The following TTLL6 variants were observed in gnomAD, a reference collection of about 807,000 sequenced individuals.
TTLL6 encodes tubulin polyglutamylase TTLL6.
A neutral mutation model predicts 96.4 loss-of-function variants in TTLL6; 75 were observed. The ratio of observed to expected loss-of-function variants is 0.78; its 90% CI spans 0.65 to 0.94. The LOEUF (loss-of-function observed/expected upper bound fraction) is 0.94. Ranked by LOEUF, TTLL6 falls within the 40% of genes least tolerant of loss-of-function variation. The pLI is 0.00. For synonymous variants in TTLL6, 411 were observed against 419.4 expected, an observed-to-expected ratio of 0.98 and a Z score of 0.24; for missense variants, 1,030 against 1,093.0, an observed-to-expected ratio of 0.94 and a Z score of 0.81.
chr17:48,817,006 T>G lies in TTLL6; in HGVS notation c.67A>C (p.Ser23Arg), dbSNP rs1280211051. Reference sequence around the variant, plus strand: ...ACTCCCCCGTCTCGCCCCGCTGGGCTGCTAGTCCAGCTTGCAACCACACCT... The same window carrying G: ...ACTCCCCCGTCTCGCCCCGCTGGGCGGCTAGTCCAGCTTGCAACCACACCT... ...PAGVVASWTSSPAGRDGGVGI... is the reference protein window; with the variant it reads ...PAGVVASWTSRPAGRDGGVGI... The change falls in exon 1 of 16, where the codon AGC (serine) becomes CGC (arginine). Residue 23 changes from serine (S) to arginine (R), a missense_variant. By Grantham distance (110) the Ser-to-Arg change is moderately radical (BLOSUM62 -1). Transcript: ENST00000393382. 5.2e-6 allele frequency: 8 copies of G among 1,542,572 alleles called. No individual in the cohort carries two copies. Among genetic ancestry groups the G allele is most frequent in the African/African-American group, 1.4e-5 (1 of 72,654 alleles).
At chr17:48,812,711 T>A (rs1228798611) in intron 1 of TTLL6, among the ~76,000 whole-genome samples, 2 of 152,104 alleles carry the variant, frequency 1.3e-5, no homozygotes, top group African/African-American at 4.8e-5. Flanking sequence ...CCTAGCAGTG[T>A]CTAGAAAAGA....
At chr17:48,804,409 A>T in intron 2 of TTLL6, 1 of 493,158 alleles carries the variant, frequency 2.0e-6, no homozygotes, top group South Asian at 1.5e-5. Flanking sequence ...CTGCAGTTGG[A>T]TCCTGATAAG....
intron 1 of TTLL6, chr17:48,812,185 T>A (rs2039606906): frequency 6.6e-6 from 1 of 151,532 alleles, no homozygotes; most frequent in African/African-American, 2.4e-5. Context: ...CCTATTGTCT[T>A]GCGTAACAAT....
intron 6 of TTLL6, among the ~76,000 whole-genome samples, chr17:48,797,771 G>C (rs899274588): frequency 3.0e-5 from 3 of 100,324 alleles, no homozygotes; most frequent in Non-Finnish European, 5.5e-5. Context: ...CTGGGCGAAA[G>C]AGCAAAACTC....
At chr17:48,797,329 T>C (rs2039334637) in intron 6 of TTLL6, 125 bp from the exon 7 acceptor site, 2 of 1,038,222 alleles carry the variant, frequency 1.9e-6, no homozygotes, top group Non-Finnish European at 2.7e-6. Context: ...AGGGCAGGCT[T>C]GTCCAGGGTC....
At chr17:48,813,008 A>T (rs1399250930) in intron 1 of TTLL6, among the ~76,000 whole-genome samples, 4 of 152,212 alleles carry the variant, frequency 2.6e-5, no homozygotes, top group Non-Finnish European at 4.4e-5. Flanking sequence ...TTATAAACAT[A>T]ATGTCTCATC....
At chr17:48,798,231 C>T (rs892770704) in intron 6 of TTLL6, among the ~76,000 whole-genome samples, 9 of 152,096 alleles carry the variant, frequency 5.9e-5, no homozygotes, top group Non-Finnish European at 1.3e-4. Flanking sequence ...AGACCAGCCT[C>T]AGCAACATAG....
At chr17:48,809,056 C>G (rs2039544584) in intron 1 of TTLL6, among the ~76,000 whole-genome samples, 1 of 152,120 alleles carries the variant, frequency 6.6e-6, no homozygotes, top group Admixed American at 6.6e-5. Flanking sequence ...CTGGGCTTTT[C>G]AAAGAATTTT....
rs183639035 is a variant in TTLL6, at chr17:48,762,520, C to T, written c.*454G>A. The T allele has an allele frequency of 1.0e-3, 166 of 162,360 alleles. No individual in the cohort carries two copies. Among genetic ancestry groups the T allele is most frequent in the Middle Eastern group, 6.2e-3 (2 of 324 alleles). 10.1% of individuals were successfully genotyped at this position (162,360 alleles called of 1,614,324 possible). On this transcript the variant is annotated 3_prime_UTR_variant, in exon 16 of 16. Transcript: ENST00000393382. Reference sequence around the variant, plus strand: ...AGGGCTCAGAGTTATGCACCATGCCCATCCCTGACCTCATCTTTTATCTTG... The same window carrying T: ...AGGGCTCAGAGTTATGCACCATGCCTATCCCTGACCTCATCTTTTATCTTG...
chr17:48,792,935 AG>A (rs1370851040), intron 8 of TTLL6, among the ~76,000 whole-genome samples: 2 of 152,204 alleles, frequency 1.3e-5, no homozygotes, highest in Admixed American at 1.3e-4. Context: ...TTGATGACTC[AG>A]GCTCATCACA....
rs139491408 is a variant in TTLL6 at position 48,769,793 on chromosome 17, A to C, written c.2345T>G (p.Leu782Arg). Reference sequence around the variant, plus strand: ...TGGGAAGAAGGAGAGCTTCCCACTCAGTTGAAGCTTGGTGAGTAGCTCGGA... The same window carrying C: ...TGGGAAGAAGGAGAGCTTCCCACTCCGTTGAAGCTTGGTGAGTAGCTCGGA... ...LISELLTKLQLSGKLSFFPAH... is the reference protein window; with the variant it reads ...LISELLTKLQRSGKLSFFPAH... The change falls in exon 14 of 16, where the codon CTG becomes CGG. Residue 782 changes from leucine (L) to arginine (R), a missense_variant. Physicochemically the swap from Leu to Arg is moderately radical, Grantham distance 102. Coordinates refer to ENST00000393382, the MANE Select transcript of TTLL6 (RefSeq NM_001130918.3). The C allele has an allele frequency of 7.4e-6, 12 of 1,614,122 alleles. No individual in the cohort carries two copies. The highest frequency in any genetic ancestry group is 6.7e-5 in the Admixed American group (4 of 60,000).
In TTLL6 at chr17:48,790,089, G is replaced by T; in HGVS notation, c.1242C>A (p.Ser414Arg). The T allele has an allele frequency of 6.2e-7, 1 of 1,613,748 alleles. No individual in the cohort carries two copies. The highest frequency in any genetic ancestry group is 8.5e-7 in the Non-Finnish European group (1 of 1,179,872). The part of the protein sequence containing the change: ...PWLLEVNHSP[S>R]FSTDSRLDKE... ...TATCCAACCGAGAGTCGGTGGAGAAGCTTGGAGAGTGGTTGACCTGTGAGG... is the reference window on the plus strand; with the variant it reads ...TATCCAACCGAGAGTCGGTGGAGAATCTTGGAGAGTGGTTGACCTGTGAGG... The change falls in exon 10 of 16, where the codon AGC becomes AGA. Residue 414 changes from serine (S) to arginine (R), a missense_variant. By Grantham distance (110) the Ser-to-Arg change is moderately radical (BLOSUM62 -1). Transcript: ENST00000393382.
At chr17:48,769,297 G>A (rs372814193) in intron 14 of TTLL6, 43 bp from the exon 15 acceptor site, 1 of 1,544,198 alleles carries the variant, frequency 6.5e-7, no homozygotes. Flanking sequence ...TGTGCTGCTG[G>A]ATTCAGCACA....
chr17:48,801,532 C>G lies in TTLL6; in HGVS notation c.473G>C (p.Ser158Thr). 1 of 1,552,032 alleles carries G rather than the reference C, an allele frequency of 6.4e-7. No homozygotes were observed. Residue 158 changes from serine (S) to threonine (T), a missense_variant, in exon 4 of 16, where the codon AGT becomes ACT. Transcript: ENST00000393382. ...CATCACTAGCCCAAATACCTGGTAA[C>G]TTTTCATTTCCATCACCCGCTCCAG... ...VSLERVMEMK[S>T]YQKINHFPGM...
At chr17:48,796,581 T>C (rs909183608) in intron 7 of TTLL6, among the ~76,000 whole-genome samples, 6 of 149,804 alleles carry the variant, frequency 4.0e-5, no homozygotes, top group African/African-American at 1.5e-4. Context: ...ATCATGCCAC[T>C]GCACTCCAGC....
intron 5 of TTLL6, 198 bp from the exon 6 acceptor site, chr17:48,799,958 C>G: frequency 1.7e-6 from 1 of 581,104 alleles, no homozygotes; most frequent in Non-Finnish European, 3.0e-6. Context: ...GAATTCAGGC[C>G]TGGGTTGAAG....
chr17:48,784,979 A>G lies in TTLL6; in HGVS notation c.1984T>C (p.Phe662Leu). 6.2e-7 allele frequency: 1 copy of G among 1,614,184 alleles called. No individual in the cohort carries two copies. Among genetic ancestry groups the G allele is most frequent in the Non-Finnish European group, 8.5e-7 (1 of 1,180,018 alleles). ...GCAGACTTGGCCTCCTTGATGCTGA[A>G]GTTGGGTTTACTGGGCTCCAACTTC... ...SSKLEPSKPN[F>L]SIKEAKSASA... Residue 662 changes from phenylalanine to leucine, a missense_variant, in exon 13 of 16, where the codon TTC becomes CTC. Coordinates refer to ENST00000393382, the MANE Select transcript of TTLL6 (RefSeq NM_001130918.3).
rs12936178 is a variant in TTLL6 at position 48,762,816 on chromosome 17, T to C, written c.*158A>G. 139,713 of 431,910 alleles carry C rather than the reference T, an allele frequency of 0.32. 25,286 individuals carry two copies. Among genetic ancestry groups the C allele is most frequent in the Non-Finnish European group, 0.38 (82,825 of 215,896 alleles). The allele number at this position is 431,910 out of a possible 1,614,324, so 26.8% of individuals were successfully genotyped here. On this transcript the variant is annotated 3_prime_UTR_variant, in exon 16 of 16. Coordinates refer to ENST00000393382, the MANE Select transcript of TTLL6 (RefSeq NM_001130918.3). ...AACAGAGGCAGGGCTGTTGGCCCCATTGCTGCTACTAGGAACTAATGGAAG... is the reference window on the plus strand; with the variant it reads ...AACAGAGGCAGGGCTGTTGGCCCCACTGCTGCTACTAGGAACTAATGGAAG...
At chr17:48,804,382 G>A (rs1170680736) in intron 2 of TTLL6, 1 of 488,282 alleles carries the variant, frequency 2.0e-6, no homozygotes. Context: ...TATTAAACAA[G>A]AACTGGAATG....
Sources: gnomAD v4.1 joint callset for allele counts (sites outside exome capture counted in the v4.1 genomes callset) on GRCh38, gnomAD v4.1.1 for gene constraint, MANE v1.5 for transcripts, NCBI Gene and HGNC (gene_info 2026-07-23, HGNC 2026-07-21) for gene names.